LPIN3: variants seen among roughly 807,000 people sequenced by gnomAD.
LPIN3 encodes phosphatidate phosphatase LPIN3.
LPIN3 carries 82 observed loss-of-function variants against 94.7 expected under a neutral mutation model. That is an observed-to-expected ratio of 0.87 (90% CI 0.72 to 1.04). LPIN3 has a LOEUF of 1.04. Among genes scored for constraint, LPIN3 ranks in the 50% least tolerant of loss-of-function variants. The probability of loss-of-function intolerance (pLI) is 0.00; values close to 1 mark genes in which losing one functional copy is unlikely to be tolerated. For missense variants in LPIN3, 996 were observed against 1,090.5 expected (o/e 0.91, Z 1.22); for synonymous variants, 418 against 443.3 (o/e 0.94, Z 0.72).
intron 14 of LPIN3, 90 bp from the exon 15 acceptor site, chr20:41,356,950 C>G (rs1212978000): frequency 2.7e-6 from 4 of 1,475,746 alleles, no homozygotes; most frequent in Non-Finnish European, 3.7e-6. Flanking sequence ...ATGAGAGGCC[C>G]GAGGGGATCG....
At chr20:41,349,196 G>T (rs1401609922) in intron 5 of LPIN3, 24 bp downstream of exon 5, 32 of 1,604,254 alleles carry the variant, frequency 2.0e-5, no homozygotes, top group Non-Finnish European at 2.7e-5. Context: ...TGGGCTGCAG[G>T]CCAGGACTCC....
chr20:41,341,012 A>T lies in LPIN3; in HGVS notation c.-9+10A>T, dbSNP rs2045556940. ...GTGGGCAGCTCCCCAGGTAGGGCCC[A>T]ACTCGGGGGGAGAAGAGATGACCCT... On this transcript the variant is annotated intron_variant, in intron 1 of 19. Coordinates refer to ENST00000373257, the MANE Select transcript of LPIN3 (RefSeq NM_022896.3). 6.6e-6 allele frequency: 1 copy of T among 152,272 alleles called. No homozygotes were observed. The highest frequency in any genetic ancestry group is 6.5e-5 in the Admixed American group (1 of 15,294). 9.4% of individuals were successfully genotyped at this position (152,272 alleles called of 1,614,324 possible). A position where few individuals can be genotyped will look rare whatever the true frequency, so the allele number is the denominator to read the frequency against.
chr20:41,345,970 G>A lies in LPIN3; in HGVS notation c.167G>A (p.Gly56Asp), dbSNP rs1410318299. The change falls in exon 2 of 20, where the codon GGC (glycine) becomes GAC (aspartate). Residue 56 changes from glycine (G) to aspartate (D), a missense_variant. Gly to Asp is a moderately conservative substitution (Grantham distance 94). Transcript: ENST00000373257. ...SPFHVRFGKL[G>D]VLRSREKVVD... ...TTCCACGTGCGTTTTGGCAAGCTGG[G>A]CGTCCTGCGGTCGCGGGAGAAGGTG... The A allele has an allele frequency of 7.4e-6, 12 of 1,613,950 alleles. No individual in the cohort carries two copies. Among genetic ancestry groups the A allele is most frequent in the South Asian group, 1.1e-5 (1 of 91,054 alleles).
Position 41,352,772 on chromosome 20 carries a change from C to T in LPIN3, c.1458-26C>T, listed in dbSNP as rs773226463. 5.0e-6 allele frequency: 8 copies of T among 1,613,612 alleles called. No individual in the cohort carries two copies. In the African/African-American group the frequency reaches 1.1e-4, roughly 22 times the overall value. ...CTTCACAACCCTGCAGCTGCTGCAGCTTGATGCCCTGTTCTGTCTCTCTAG... is the reference window on the plus strand; with the variant it reads ...CTTCACAACCCTGCAGCTGCTGCAGTTTGATGCCCTGTTCTGTCTCTCTAG... On this transcript the variant is annotated intron_variant, in intron 10 of 19. Transcript: ENST00000373257.
rs1374771196 is a variant in LPIN3, at chr20:41,349,185, G to A, written c.638+13G>A. The A allele has an allele frequency of 3.7e-6, 6 of 1,612,812 alleles. No individual in the cohort carries two copies. The highest frequency in any genetic ancestry group is 5.1e-6 in the Non-Finnish European group (6 of 1,179,152). The stretch of plus-strand genomic sequence containing the variant: ...CCCCCCAGGCCAGGTAAGAGTCCAG[G>A]TGGGCTGCAGGCCAGGACTCCAGAT... On this transcript the variant is annotated intron_variant, in intron 5 of 19. Transcript: ENST00000373257.
chr20:41,348,473 C>T, intron 3 of LPIN3, 146 bp from the exon 4 acceptor site: 1 of 1,293,692 alleles, frequency 7.7e-7, no homozygotes, highest in Non-Finnish European at 1.0e-6. Flanking sequence ...GGCTACAGGG[C>T]CAGGCTGGTG....
chr20:41,358,273 C>T lies in LPIN3; in HGVS notation c.2229C>T (p.Val743=), dbSNP rs771627907. 2.8e-5 allele frequency: 45 copies of T among 1,614,002 alleles called. No individual in the cohort carries two copies. The highest frequency in any genetic ancestry group is 5.0e-5 in the Admixed American group (3 of 60,008). ...VIEKKPEVFK[V]ACLSDIQQLF... is the part of the protein sequence containing the mutation. ...AGAAGAAACCAGAGGTGTTCAAGGTCGCCTGCCTGAGTGACATCCAGCAGC... is the reference window on the plus strand; with the variant it reads ...AGAAGAAACCAGAGGTGTTCAAGGTTGCCTGCCTGAGTGACATCCAGCAGC... The change falls in exon 18 of 20, where the codon GTC becomes GTT. Residue 743 remains valine (V), a synonymous_variant. Transcript: ENST00000373257.
intron 14 of LPIN3, 85 bp from the exon 15 acceptor site, chr20:41,356,955 G>A (rs970873453): frequency 2.7e-6 from 4 of 1,503,078 alleles, no homozygotes; most frequent in Non-Finnish European, 3.6e-6. Context: ...AGGCCCGAGG[G>A]GATCGGAGGC....
At chr20:41,358,164 C>T in intron 17 of LPIN3, 73 bp from the exon 18 acceptor site, 1 of 1,585,194 alleles carries the variant, frequency 6.3e-7, no homozygotes, top group African/African-American at 1.3e-5. Flanking sequence ...CCCCCCATCA[C>T]CTGAGCCTGC....
At chr20:41,352,915 C>G (rs761448356) in intron 11 of LPIN3, 48 bp downstream of exon 11, 3 of 1,597,322 alleles carry the variant, frequency 1.9e-6, no homozygotes, top group Admixed American at 1.7e-5. Flanking sequence ...TAGCCATAGA[C>G]TCAGGGCACG....
chr20:41,344,864 A>C (rs1287358274), intron 1 of LPIN3, among the ~76,000 whole-genome samples: 1 of 152,180 alleles, frequency 6.6e-6, no homozygotes, highest in East Asian at 1.9e-4. Context: ...TGAGAACTAT[A>C]GCCTGGACAC....
chr20:41,345,943 C>T lies in LPIN3; in HGVS notation c.140C>T (p.Pro47Leu). The T allele has an allele frequency of 1.2e-6, 2 of 1,614,152 alleles. No homozygotes were observed. The highest frequency in any genetic ancestry group is 1.7e-6 in the Non-Finnish European group (2 of 1,180,036). Residue 47 changes from proline (P) to leucine (L), a missense_variant, in exon 2 of 20, where the codon CCC (proline) becomes CTC (leucine). By Grantham distance (98) the Pro-to-Leu change is moderately conservative (BLOSUM62 -3). Coordinates refer to ENST00000373257, the MANE Select transcript of LPIN3 (RefSeq NM_022896.3). The stretch of plus-strand genomic sequence containing the variant: ...GTGGACGGCTCGTTCCGGTGCTCAC[C>T]CTTCCACGTGCGTTTTGGCAAGCTG... ...KQVDGSFRCS[P>L]FHVRFGKLGV...
rs201055688 is a variant in LPIN3, at chr20:41,354,970, T to G, written c.1664+107T>G. The G allele has an allele frequency of 7.5e-4, 328 of 440,010 alleles. 2 individuals are homozygous for G. The highest frequency in any genetic ancestry group is 7.3e-3 in the African/African-American group (189 of 25,798). 27.3% of individuals were successfully genotyped at this position (440,010 alleles called of 1,614,324 possible). ...CCAGCACCCTGTCTCCAGCTGTGGG[T>G]TTTTTTTTTTGTCATTCCTCAAGCA... On this transcript the variant is annotated intron_variant, in intron 13 of 19. Coordinates refer to ENST00000373257, the MANE Select transcript of LPIN3 (RefSeq NM_022896.3).
Position 41,348,849 on chromosome 20 carries a change from G to C in LPIN3, c.519G>C (p.Glu173Asp), listed in dbSNP as rs780286417. ...PEELEAGAES[E>D]LSLPEKLRPE... is the part of the protein sequence containing the mutation. Reference sequence around the variant, plus strand: ...AACTGGAGGCAGGCGCTGAGAGTGAGCTATCCCTGCCGGAAAAGCTGAGGC... The same window carrying C: ...AACTGGAGGCAGGCGCTGAGAGTGACCTATCCCTGCCGGAAAAGCTGAGGC... The change falls in exon 4 of 20, where the codon GAG (glutamate) becomes GAC (aspartate). Residue 173 changes from glutamate (E) to aspartate (D), a missense_variant. Glu to Asp is a conservative substitution (Grantham distance 45). Coordinates refer to ENST00000373257, the MANE Select transcript of LPIN3 (RefSeq NM_022896.3). The C allele has an allele frequency of 1.9e-6, 3 of 1,607,928 alleles. No homozygotes were observed. The Admixed American group carries it at 5.1e-5, about 27-fold the overall frequency.
chr20:41,350,484 AC>A, intron 7 of LPIN3, 87 bp downstream of exon 7: 1 of 1,064,552 alleles, frequency 9.4e-7, no homozygotes, highest in Non-Finnish European at 1.3e-6. Flanking sequence ...CATTTTGAGC[AC>A]CTGCTGTGTG....
rs1171350731 is a variant in LPIN3, at chr20:41,348,852, A to C, written c.522A>C (p.Leu174=). The change falls in exon 4 of 20, where the codon CTA becomes CTC. Residue 174 remains leucine, a synonymous_variant. Transcript: ENST00000373257. The part of the protein sequence containing the change: ...EELEAGAESE[L]SLPEKLRPEP... The stretch of plus-strand genomic sequence containing the variant: ...TGGAGGCAGGCGCTGAGAGTGAGCT[A>C]TCCCTGCCGGAAAAGCTGAGGCCAG... The C allele has an allele frequency of 4.4e-6, 7 of 1,607,694 alleles. No homozygotes were observed. Among genetic ancestry groups the C allele is most frequent in the Middle Eastern group, 1.7e-4 (1 of 6,050 alleles).
chr20:41,349,827 G>A lies in LPIN3; in HGVS notation c.692G>A (p.Arg231Gln), dbSNP rs772051812. The change falls in exon 6 of 20, where the codon CGG becomes CAG. Residue 231 changes from arginine to glutamine, a missense_variant. Transcript: ENST00000373257. ...AAGAGCGACTCGGAGCTGGAGGTGC[G>A]GACCCCGGAGCCCAGTCCCCTAAGA... ...SPKSDSELEV[R>Q]TPEPSPLRAE... is the part of the protein sequence containing the mutation. The A allele has an allele frequency of 1.2e-5, 19 of 1,613,550 alleles. No individual in the cohort carries two copies. In the South Asian group the frequency reaches 1.6e-4, roughly 14 times the overall value.
chr20:41,350,819 C>T (rs892827318), intron 7 of LPIN3, among the ~76,000 whole-genome samples: 2 of 152,026 alleles, frequency 1.3e-5, no homozygotes, highest in South Asian at 2.1e-4. Context: ...GGAAGACGGC[C>T]GGGATAGGAA....
intron 17 of LPIN3, 26 bp from the exon 18 acceptor site, chr20:41,358,211 C>T (rs41277022): frequency 0.042 from 68,132 of 1,610,268 alleles, 1,617 homozygotes; most frequent in Non-Finnish European, 0.049. Context: ...TGGCCCCCTT[C>T]CCTGCTGTGG....
Sources: allele counts gnomAD v4.1 joint callset (sites outside exome capture counted in the v4.1 genomes callset), GRCh38; gene constraint gnomAD v4.1.1; transcripts MANE v1.5; gene names NCBI Gene and HGNC (gene_info 2026-07-23, HGNC 2026-07-21).